Variants in CKMT2 observed in about 807,000 individuals in gnomAD.
CKMT2 encodes creatine kinase, mitochondrial 2.
Under a neutral mutation model 48.9 loss-of-function variants are expected in CKMT2, and 43 were observed. That is an observed-to-expected ratio of 0.88 (90% CI 0.69 to 1.13). The LOEUF is 1.13. Ranked by LOEUF, CKMT2 falls within the 50% of genes most tolerant of loss-of-function variation. The probability of loss-of-function intolerance (pLI) is 0.00; values close to 1 mark genes in which losing one functional copy is unlikely to be tolerated. For missense variants in CKMT2, 472 were observed against 555.4 expected (o/e 0.85, Z 1.51); for synonymous variants, 206 against 213.0 (o/e 0.97, Z 0.29).
intron 7 of CKMT2, among the ~76,000 whole-genome samples, chr5:81,258,274 T>G (rs185019876): frequency 1.3e-5 from 2 of 152,276 alleles, no homozygotes; most frequent in East Asian, 3.9e-4. Flanking sequence ...AAGGTAGTGC[T>G]TCAGAAAATA....
At position 81,252,993 on chromosome 5, in the gene CKMT2, T is replaced by C. The variant is rs555609070; in HGVS notation, c.351+100T>C. ...CTTTTCTTCTCTATGGGGCCAACTTTCTGCCTTCTCAGGAAGGGCTCTCAT... is the reference window on the plus strand; with the variant it reads ...CTTTTCTTCTCTATGGGGCCAACTTCCTGCCTTCTCAGGAAGGGCTCTCAT... On this transcript the variant is annotated intron_variant, in intron 3 of 9. Transcript: ENST00000254035. The C allele has an allele frequency of 2.1e-5, 27 of 1,303,286 alleles. No individual in the cohort carries two copies. In the African/African-American group the frequency reaches 3.4e-4, roughly 16 times the overall value. 80.7% of individuals were successfully genotyped at this position (1,303,286 alleles called of 1,614,324 possible). A position where few individuals can be genotyped will look rare whatever the true frequency, so the allele number is the denominator to read the frequency against.
intron 1 of CKMT2, among the ~76,000 whole-genome samples, chr5:81,234,452 T>C (rs1323789130): frequency 1.3e-5 from 2 of 152,186 alleles, no homozygotes; most frequent in African/African-American, 2.4e-5. Flanking sequence ...CTCTGTCCTC[T>C]CATAGAGGCG....
At chr5:81,249,325 C>G (rs141934260) in intron 1 of CKMT2, among the ~76,000 whole-genome samples, 1 of 152,130 alleles carries the variant, frequency 6.6e-6, no homozygotes, top group Non-Finnish European at 1.5e-5. Context: ...TCAAGTGATC[C>G]GCCCACCTTT....
rs1756404457 is a variant in CKMT2, at chr5:81,240,661, C to T, written c.-21+7284C>T. Among the ~76,000 whole-genome samples, 8 of 152,152 alleles carry T rather than the reference C, an allele frequency of 5.3e-5. No homozygotes were observed. The South Asian group carries it at 1.7e-3, about 32-fold the overall frequency. On this transcript the variant is annotated intron_variant, in intron 1 of 9. Transcript: ENST00000254035. ...AAATGAGTGCCTGGTGCAGAACAGA[C>T]ACTCGATACATATGATTTCCCTTTA...
chr5:81,259,588 T>G (rs570796998), intron 8 of CKMT2, among the ~76,000 whole-genome samples: 21 of 152,254 alleles, frequency 1.4e-4, no homozygotes, highest in African/African-American at 5.1e-4. Context: ...AACTTGAGCA[T>G]GCAAGAGATC....
chr5:81,264,870 G>GA (rs1310123730), intron 9 of CKMT2, among the ~76,000 whole-genome samples: 1 of 151,762 alleles, frequency 6.6e-6, no homozygotes, highest in African/African-American at 2.4e-5. Flanking sequence ...CAAAAAACTT[G>GA]AAAAAATTGT....
At chr5:81,240,786 C>A (rs1006526213) in intron 1 of CKMT2, among the ~76,000 whole-genome samples, 7 of 152,096 alleles carry the variant, frequency 4.6e-5, no homozygotes, top group African/African-American at 1.4e-4. Context: ...AAAAAAGTAC[C>A]CTGCCCTTGA....
At chr5:81,233,631 G>A (rs1756170811) in intron 1 of CKMT2, among the ~76,000 whole-genome samples, 1 of 151,960 alleles carries the variant, frequency 6.6e-6, no homozygotes, top group African/African-American at 2.4e-5. Flanking sequence ...CTGCCTGCAG[G>A]GCCTCTTTTT....
chr5:81,238,830 TCTC>T (rs1756337526), intron 1 of CKMT2: 1 of 152,356 alleles, frequency 6.6e-6, no homozygotes, highest in South Asian at 2.1e-4. Flanking sequence ...TTGGGTCTTC[TCTC>T]CTCTTTACTA....
chr5:81,264,888 C>CAT (rs1167812053), intron 9 of CKMT2, among the ~76,000 whole-genome samples: 1 of 151,964 alleles, frequency 6.6e-6, no homozygotes, highest in Non-Finnish European at 1.5e-5. Flanking sequence ...TGTTATAATA[C>CAT]ATGTTTAATA....
rs1377010868 is a variant in CKMT2 at position 81,252,767 on chromosome 5, G to C, written c.225G>C (p.Lys75Asn). 3 of 1,614,220 alleles carry C rather than the reference G, an allele frequency of 1.9e-6. No individual in the cohort carries two copies. Among genetic ancestry groups the C allele is most frequent in the Non-Finnish European group, 2.5e-6 (3 of 1,180,032 alleles). ...GCCTCACCCCCGCCATTTATGCCAA[G>C]CTTCGCAACAAGGTGACACCCAACG... ...AECLTPAIYA[K>N]LRNKVTPNGY... The change falls in exon 3 of 10, where the codon AAG becomes AAC. Residue 75 changes from lysine (K) to asparagine (N), a missense_variant. By Grantham distance (94) the Lys-to-Asn change is moderately conservative. Coordinates refer to ENST00000254035, the MANE Select transcript of CKMT2 (RefSeq NM_001099735.2).
At chr5:81,233,484 C>T in intron 1 of CKMT2, 107 bp downstream of exon 1, 1 of 799,122 alleles carries the variant, frequency 1.3e-6, no homozygotes, top group Non-Finnish European at 1.5e-6. Context: ...GACGGGGACC[C>T]CGTTAGGACG....
In CKMT2 at chr5:81,254,978, C is replaced by A. The variant is rs750175896; in HGVS notation, c.448-15C>A. On this transcript the variant is annotated splice_polypyrimidine_tract_variant and intron_variant, in intron 4 of 9. Transcript: ENST00000254035. ...TCCGAGGCTGGCCACAGTGACCCCA[C>A]AGTCTGCTTGGCAGATCACCCAAGG... The A allele has an allele frequency of 3.7e-6, 6 of 1,610,256 alleles. No individual in the cohort carries two copies. In the African/African-American group the frequency reaches 5.3e-5, roughly 14 times the overall value.
chr5:81,257,241 T>C (rs776424024), intron 6 of CKMT2, among the ~76,000 whole-genome samples: 20 of 152,038 alleles, frequency 1.3e-4, no homozygotes, highest in African/African-American at 2.7e-4. Context: ...GCATGAATTA[T>C]GTGCCTGAAG....
intron 9 of CKMT2, among the ~76,000 whole-genome samples, chr5:81,265,206 C>CCTAT (rs969499175): frequency 4.6e-5 from 7 of 152,120 alleles, no homozygotes; most frequent in African/African-American, 1.4e-4. Context: ...GAGTGAGAGA[C>CCTAT]CTATCTCACC....
rs1468031852 is a variant in CKMT2, at chr5:81,259,767, C to CTGTT, written c.1014+513_1014+514insTGTT. 1.1e-3 allele frequency among the ~76,000 whole-genome samples: 163 copies of CTGTT among 152,302 alleles called. 1 individual carries two copies. Among genetic ancestry groups the CTGTT allele is most frequent in the East Asian group, 1.7e-3 (9 of 5,182 alleles). The stretch of plus-strand genomic sequence containing the variant: ...CTACAATGAGACTTAGACTCCCACA[C>CTGTT]AATAACAGTGAGAGACTTTAACACC... On this transcript the variant is annotated intron_variant, in intron 8 of 9. Transcript: ENST00000254035.
chr5:81,248,187 A>G (rs1167176825), intron 1 of CKMT2, among the ~76,000 whole-genome samples: 2 of 152,194 alleles, frequency 1.3e-5, no homozygotes, highest in South Asian at 2.1e-4. Flanking sequence ...ACTTGGGCAC[A>G]TATCAGTGCA....
intron 8 of CKMT2, among the ~76,000 whole-genome samples, chr5:81,262,536 T>C (rs927797406): frequency 1.3e-5 from 2 of 152,006 alleles, no homozygotes; most frequent in Non-Finnish European, 2.9e-5. Flanking sequence ...GAACAGACAC[T>C]TCTCAAAAGA....
At position 81,255,226 on chromosome 5, in the gene CKMT2, A is replaced by G. The variant is rs373586011; in HGVS notation, c.669+12A>G. 58 of 1,611,994 alleles carry G rather than the reference A, an allele frequency of 3.6e-5. No homozygotes were observed. In the African/African-American group the frequency reaches 7.3e-4, roughly 20 times the overall value. Reference sequence around the variant, plus strand: ...AGCGGCTCATCGATGTGAGTAGCAGATGGGGCTCCCTGGGGAAGGACTGGA... The same window carrying G: ...AGCGGCTCATCGATGTGAGTAGCAGGTGGGGCTCCCTGGGGAAGGACTGGA... On this transcript the variant is annotated intron_variant, in intron 5 of 9. Coordinates refer to ENST00000254035, the MANE Select transcript of CKMT2 (RefSeq NM_001099735.2).
Sources: allele counts gnomAD v4.1 joint callset (sites outside exome capture counted in the v4.1 genomes callset), GRCh38; gene constraint gnomAD v4.1.1; transcripts MANE v1.5; gene names NCBI Gene and HGNC (gene_info 2026-07-23, HGNC 2026-07-21).